TTN: variants seen among roughly 807,000 people sequenced by gnomAD.
The protein encoded by TTN is titin.
TTN carries 1,525 observed loss-of-function variants against 3,223.0 expected under a neutral mutation model. The observed-to-expected ratio is 0.47, with a 90% confidence interval of 0.45 to 0.49. The LOEUF (loss-of-function observed/expected upper bound fraction) is 0.49. Among genes scored for constraint, TTN ranks in the 20% least tolerant of loss-of-function variants. The probability of loss-of-function intolerance (pLI) is 0.00; values close to 1 mark genes in which losing one functional copy is unlikely to be tolerated. For missense variants in TTN, 40,786 were observed against 43,424.0 expected (o/e 0.94, Z 5.40); for synonymous variants, 14,094 against 15,161.0 (o/e 0.93, Z 5.17).
At chr2:178,541,235 A>G (rs1245687018) in intron 350 of TTN, 47 bp downstream of exon 350, 1 of 1,432,820 alleles carries the variant, frequency 7.0e-7, no homozygotes, top group East Asian at 2.5e-5. Context: ...ATTTTCCCAC[A>G]TATAAATTGT....
Position 178,780,095 on chromosome 2 carries a change from AG to A in TTN, c.3633del (p.Ser1212LeufsTer13). The stretch of plus-strand genomic sequence containing the variant: ...TTTTCATACTCTTTTTCATACTCAG[AG>A]TATACAAATCCAGGTGCTGTTTCTC... ...KVGETAPGFVYSEYEKEYEKE... is the reference protein window; with the variant it reads ...KVGETAPGFVXSEYEKEYEKE... On this transcript the variant is annotated frameshift_variant, in exon 22 of 363. Coordinates refer to ENST00000589042, the MANE Select transcript of TTN (RefSeq NM_001267550.2). LOFTEE classifies it high-confidence loss of function. 6.2e-7 allele frequency: 1 copy of A among 1,613,802 alleles called. No homozygotes were observed. The highest frequency in any genetic ancestry group is 8.5e-7 in the Non-Finnish European group (1 of 1,179,868).
At position 178,705,274 on chromosome 2, in the gene TTN, T is replaced by C. The variant is rs1223522531; in HGVS notation, c.29504A>G (p.Tyr9835Cys). The C allele has an allele frequency of 1.9e-6, 3 of 1,613,510 alleles. No individual in the cohort carries two copies. Among genetic ancestry groups the C allele is most frequent in the East Asian group, 4.5e-5 (2 of 44,868 alleles). Residue 9835 changes from tyrosine (Y) to cysteine (C), a missense_variant, in exon 103 of 363, where the codon TAT (tyrosine) becomes TGT (cysteine). Coordinates refer to ENST00000589042, the MANE Select transcript of TTN (RefSeq NM_001267550.2). ...ELLKNVDPKE[Y>C]EKYARMYGIT... ...TCCATACATGCGGGCATATTTTTCATATTCTTTAGGATCAACATTTTTGAG... is the reference window on the plus strand; with the variant it reads ...TCCATACATGCGGGCATATTTTTCACATTCTTTAGGATCAACATTTTTGAG...
intron 284 of TTN, 21 bp from the exon 285 acceptor site, chr2:178,601,935 C>G: frequency 6.2e-7 from 1 of 1,612,598 alleles, no homozygotes; most frequent in East Asian, 2.2e-5. Context: ...AGGAGACAGT[C>G]AGTTGTAGTA....
chr2:178,630,746 G>C, intron 238 of TTN, 58 bp downstream of exon 238: 1 of 1,563,214 alleles, frequency 6.4e-7, no homozygotes, highest in South Asian at 1.2e-5. Flanking sequence ...ACTTTCACCT[G>C]TTCTTTTCTA....
chr2:178,577,501 G>C lies in TTN; in HGVS notation c.68834C>G (p.Thr22945Arg). ...IICKDEYEAP[T>R]IVLDPTIKDG... Reference sequence around the variant, plus strand: ...TTTTATTGTGGGATCAAGGACAATTGTTGGTGCCTCTGCAAAGAAAAAAAT... The same window carrying C: ...TTTTATTGTGGGATCAAGGACAATTCTTGGTGCCTCTGCAAAGAAAAAAAT... Residue 22945 changes from threonine to arginine, a missense_variant, in exon 324 of 363, where the codon ACA (threonine) becomes AGA (arginine). Transcript: ENST00000589042. 9 of 1,579,666 alleles carry C rather than the reference G, an allele frequency of 5.7e-6. No individual in the cohort carries two copies. Among genetic ancestry groups the C allele is most frequent in the Non-Finnish European group, 7.7e-6 (9 of 1,162,216 alleles).
chr2:178,543,867 T>A lies in TTN; in HGVS notation c.96277A>T (p.Lys32093Ter). Residue 32093 changes from lysine to a stop codon, truncating the protein, a stop_gained, in exon 346 of 363, where the codon AAG becomes TAG. Coordinates refer to ENST00000589042, the MANE Select transcript of TTN (RefSeq NM_001267550.2). LOFTEE classifies it high-confidence loss of function. ...YTIEAENQSG[K>*]KSATVLVKVY... ...TTAACAAGGACTGTTGCTGATTTCT[T>A]GCCAGATTGGTTTTCAGCTTCAATT... 6.2e-7 allele frequency: 1 copy of A among 1,613,754 alleles called. No homozygotes were observed. Among genetic ancestry groups the A allele is most frequent in the South Asian group, 1.1e-5 (1 of 91,082 alleles).
intron 29 of TTN, 163 bp from the exon 30 acceptor site, chr2:178,774,636 G>A: frequency 1.4e-6 from 1 of 707,112 alleles, no homozygotes; most frequent in Non-Finnish European, 2.2e-6. Context: ...TCAATAAGAA[G>A]CAGTTATTTT....
At position 178,724,435 on chromosome 2, in the gene TTN, T is replaced by C; in HGVS notation, c.20940A>G (p.Glu6980=). Residue 6980 remains glutamate, a synonymous_variant, in exon 72 of 363, where the codon GAA becomes GAG. Transcript: ENST00000589042. ...KVAGTPELSV[E]WYKDGKLLTS... is the part of the protein sequence containing the mutation. ...TCAACAGCTTTCCATCCTTGTACCA[T>C]TCAACAGAGAGTTCCGGAGTGCCAG... The C allele has an allele frequency of 6.2e-7, 1 of 1,613,442 alleles. No individual in the cohort carries two copies. The highest frequency in any genetic ancestry group is 8.5e-7 in the Non-Finnish European group (1 of 1,179,522).
chr2:178,591,996 T>C lies in TTN; in HGVS notation c.59908A>G (p.Lys19970Glu). Residue 19970 changes from lysine (K) to glutamate (E), a missense_variant, in exon 302 of 363, where the codon AAG (lysine) becomes GAG (glutamate). By Grantham distance (56) the Lys-to-Glu change is moderately conservative. Coordinates refer to ENST00000589042, the MANE Select transcript of TTN (RefSeq NM_001267550.2). ...AACTTACGGAGAGGATCCAAAGCCTTGATTGGTTTTGGTGTTTCAACAAAA... is the reference window on the plus strand; with the variant it reads ...AACTTACGGAGAGGATCCAAAGCCTCGATTGGTTTTGGTGTTTCAACAAAA... Reference protein sequence around the residue: ...GPFVETPKPIKALDPLHPPGP... With the variant: ...GPFVETPKPIEALDPLHPPGP... 1 of 1,612,834 alleles carries C rather than the reference T, an allele frequency of 6.2e-7. No individual in the cohort carries two copies. The highest frequency in any genetic ancestry group is 8.5e-7 in the Non-Finnish European group (1 of 1,179,414).
At chr2:178,748,504 G>A (rs754013830) in intron 47 of TTN, 1 of 1,612,908 alleles carries the variant, frequency 6.2e-7, no homozygotes, top group South Asian at 1.1e-5. Context: ...CTTGCCCTTG[G>A]AACTCCAGAG....
rs768229241 is a variant in TTN, at chr2:178,618,788, C to T, written c.46762G>A (p.Val15588Met). Reference sequence around the variant, plus strand: ...TTGGGGTAGGCATCATATGGCACCACCATTGTCAGAGGCTTGCCAACATCA... The same window carrying T: ...TTGGGGTAGGCATCATATGGCACCATCATTGTCAGAGGCTTGCCAACATCA... The part of the protein sequence containing the change: ...VVDVGKPLTM[V>M]VPYDAYPKAE... The change falls in exon 251 of 363, where the codon GTG (valine) becomes ATG (methionine). Residue 15588 changes from valine to methionine, a missense_variant. Physicochemically the swap from Val to Met is conservative, Grantham distance 21. Transcript: ENST00000589042. 1.9e-6 allele frequency: 3 copies of T among 1,611,388 alleles called. No individual in the cohort carries two copies. Among genetic ancestry groups the T allele is most frequent in the South Asian group, 2.2e-5 (2 of 90,964 alleles).
rs6748660 is a variant in TTN, at chr2:178,729,648, G to T, written c.18589+16C>A. On this transcript the variant is annotated intron_variant, in intron 63 of 362. Transcript: ENST00000589042. Reference sequence around the variant, plus strand: ...GGCAGCACAGCCAAAATGGAGAATAGATTCCATTCACGAACCTTTCACTTT... The same window carrying T: ...GGCAGCACAGCCAAAATGGAGAATATATTCCATTCACGAACCTTTCACTTT... 6.2e-7 allele frequency: 1 copy of T among 1,613,658 alleles called. No homozygotes were observed. Among genetic ancestry groups the T allele is most frequent in the South Asian group, 1.1e-5 (1 of 91,078 alleles).
chr2:178,677,513 ATC>A, intron 146 of TTN, 106 bp downstream of exon 146: 1 of 1,210,202 alleles, frequency 8.3e-7, no homozygotes, highest in Non-Finnish European at 1.1e-6. Flanking sequence ...TAGGTGGTCA[ATC>A]ACAGAGGGTA....
At position 178,735,572 on chromosome 2, in the gene TTN, A is replaced by G. The variant is rs752146131; in HGVS notation, c.14874T>C (p.Tyr4958=). The change falls in exon 50 of 363, where the codon TAT becomes TAC. Residue 4958 remains tyrosine, a synonymous_variant. Coordinates refer to ENST00000589042, the MANE Select transcript of TTN (RefSeq NM_001267550.2). ...CAGCCTCATTTGAAGCTGTACAGAC[A>G]TAGGTTCCTGAATCTTTCAGTTTGG... ...PLAKLKDSGT[Y]VCTASNEAGS... 14 of 1,612,624 alleles carry G rather than the reference A, an allele frequency of 8.7e-6. No individual in the cohort carries two copies. Among genetic ancestry groups the G allele is most frequent in the African/African-American group, 2.7e-5 (2 of 74,818 alleles).
rs773382583 is a variant in TTN at position 178,539,701 on chromosome 2, G to A, written c.98364C>T (p.Ile32788=). ...TGGGACTTCCTATCACCCTGACCTTGATGTAGACAGCCTTCTTGCCACATT... is the reference window on the plus strand; with the variant it reads ...TGGGACTTCCTATCACCCTGACCTTAATGTAGACAGCCTTCTTGCCACATT... ...ENKCGKKAVY[I]KVRVIGSPNS... Residue 32788 remains isoleucine, a synonymous_variant, in exon 352 of 363, where the codon ATC becomes ATT. Transcript: ENST00000589042. 6.2e-7 allele frequency: 1 copy of A among 1,613,736 alleles called. No homozygotes were observed. The highest frequency in any genetic ancestry group is 2.2e-5 in the East Asian group (1 of 44,852).
intron 47 of TTN, chr2:178,746,556 G>T (rs763866859): frequency 1.2e-6 from 2 of 1,613,070 alleles, no homozygotes; most frequent in Non-Finnish European, 8.5e-7. Context: ...GGAGGTGGTA[G>T]TGCCACCACT....
At chr2:178,549,895 G>C (rs186541313) in intron 337 of TTN, 26 bp from the exon 338 acceptor site, 14 of 1,538,342 alleles carry the variant, frequency 9.1e-6, no homozygotes, top group Admixed American at 6.4e-5. Context: ...TCTAGAGTTA[G>C]TTTCTTTTTC....
At chr2:178,778,044 G>A (rs2092414460) in intron 24 of TTN, 69 bp from the exon 25 acceptor site, 1 of 1,554,462 alleles carries the variant, frequency 6.4e-7, no homozygotes. Context: ...ACTTCATTTT[G>A]TCTTATTCAT....
rs749966898 is a variant in TTN at position 178,711,190 on chromosome 2, G to A, written c.28046C>T (p.Thr9349Ile). The A allele has an allele frequency of 1.9e-6, 3 of 1,613,810 alleles. No individual in the cohort carries two copies. Among genetic ancestry groups the A allele is most frequent in the Non-Finnish European group, 1.7e-6 (2 of 1,179,772 alleles). The change falls in exon 97 of 363, where the codon ACA (threonine) becomes ATA (isoleucine). Residue 9349 changes from threonine to isoleucine, a missense_variant. Physicochemically the swap from Thr to Ile is moderately conservative, Grantham distance 89. Coordinates refer to ENST00000589042, the MANE Select transcript of TTN (RefSeq NM_001267550.2). ...TGTGGCTGTATTGTCTAAAAATGAT[G>A]TTTGTACATTTGGGCTGTCTTTCAA... Reference protein sequence around the residue: ...KPLKDSPNVQTSFLDNTATLN... With the variant: ...KPLKDSPNVQISFLDNTATLN...
Sources: gnomAD v4.1 joint callset for allele counts on GRCh38, gnomAD v4.1.1 for gene constraint, MANE v1.5 for transcripts, NCBI Gene and HGNC (gene_info 2026-07-23, HGNC 2026-07-21) for gene names.